The following IFNA1 variants were observed in gnomAD, a reference collection of about 807,000 sequenced individuals.
IFNA1 encodes the protein interferon alpha 1.
For synonymous variants in IFNA1, 52 were observed against 86.8 expected (o/e 0.60, Z 2.23); for missense variants, 130 against 219.8 (o/e 0.59, Z 2.58).
At position 21,441,261 on chromosome 9, in the gene IFNA1, C is replaced by T; in HGVS notation, c.*184C>T. ...TAAATTATTTTTGTTCATATAACGT[C>T]ATGTGCACCTTTACACTGTGGTTAG... On this transcript the variant is annotated 3_prime_UTR_variant, in exon 1 of 1. Coordinates refer to ENST00000276927, the MANE Select transcript of IFNA1 (RefSeq NM_024013.3). 1.1e-6 allele frequency: 1 copy of T among 902,156 alleles called. No individual in the cohort carries two copies. Among genetic ancestry groups the T allele is most frequent in the Non-Finnish European group, 1.6e-6 (1 of 621,612 alleles). The allele number at this position is 902,156 out of a possible 1,614,324, so 55.9% of individuals were successfully genotyped here.
Position 21,441,170 on chromosome 9 carries a change from A to G in IFNA1, c.*93A>G. On this transcript the variant is annotated 3_prime_UTR_variant, in exon 1 of 1. Transcript: ENST00000276927. ...CATTTCAAAGACTCTCACCCCTGCT[A>G]TAACTATGACCATGCTGATAAACTG... is the stretch of plus-strand genomic sequence containing the variant. 13 of 1,545,428 alleles carry G rather than the reference A, an allele frequency of 8.4e-6. No homozygotes were observed. The highest frequency in any genetic ancestry group is 1.1e-5 in the Non-Finnish European group (13 of 1,140,580).
Position 21,441,297 on chromosome 9 carries a change from C to A in IFNA1, c.*220C>A. The A allele has an allele frequency of 3.0e-6, 2 of 667,798 alleles. No individual in the cohort carries two copies. Among genetic ancestry groups the A allele is most frequent in the Non-Finnish European group, 2.3e-6 (1 of 432,756 alleles). 41.4% of individuals were successfully genotyped at this position (667,798 alleles called of 1,614,324 possible). A position where few individuals can be genotyped will look rare whatever the true frequency, so the allele number is the denominator to read the frequency against. On this transcript the variant is annotated 3_prime_UTR_variant, in exon 1 of 1. Coordinates refer to ENST00000276927, the MANE Select transcript of IFNA1 (RefSeq NM_024013.3). The stretch of plus-strand genomic sequence containing the variant: ...TTACACTGTGGTTAGTGTAATAAAA[C>A]ATGTTCCTTATATTTACTCAATCCA...
rs1818358321 is a variant in IFNA1, at chr9:21,440,497, C to T, written c.-11C>T. 1 of 1,614,090 alleles carries T rather than the reference C, an allele frequency of 6.2e-7. No individual in the cohort carries two copies. On this transcript the variant is annotated 5_prime_UTR_variant, in exon 1 of 1. Transcript: ENST00000276927. ...ATCTCAGCAAGCCCAGAAGTATCTG[C>T]AATATCTACGATGGCCTCGCCCTTT...
rs1197383938 is a variant in IFNA1, at chr9:21,441,034, C to G, written c.527C>G (p.Ser176Cys). The change falls in exon 1 of 1, where the codon TCT (serine) becomes TGT (cysteine). Residue 176 changes from serine (S) to cysteine (C), a missense_variant. Physicochemically the swap from Ser to Cys is moderately radical, Grantham distance 112. Coordinates refer to ENST00000276927, the MANE Select transcript of IFNA1 (RefSeq NM_024013.3). ...VVRAEIMRSLSLSTNLQERLR... is the reference protein window; with the variant it reads ...VVRAEIMRSLCLSTNLQERLR... ...AGAGCAGAAATCATGAGATCCCTCT[C>G]TTTATCAACAAACTTGCAAGAAAGA... 6.2e-7 allele frequency: 1 copy of G among 1,611,238 alleles called. No homozygotes were observed. The highest frequency in any genetic ancestry group is 1.7e-5 in the Admixed American group (1 of 59,100).
In IFNA1 at chr9:21,441,288, G is replaced by C; in HGVS notation, c.*211G>C. On this transcript the variant is annotated 3_prime_UTR_variant, in exon 1 of 1. Coordinates refer to ENST00000276927, the MANE Select transcript of IFNA1 (RefSeq NM_024013.3). ...TGTGCACCTTTACACTGTGGTTAGT[G>C]TAATAAAACATGTTCCTTATATTTA... 5 of 718,518 alleles carry C rather than the reference G, an allele frequency of 7.0e-6. No individual in the cohort carries two copies. Among genetic ancestry groups the C allele is most frequent in the Non-Finnish European group, 8.4e-6 (4 of 473,814 alleles). 44.5% of individuals were successfully genotyped at this position (718,518 alleles called of 1,614,324 possible).
At position 21,440,546 on chromosome 9, in the gene IFNA1, G is replaced by A. The variant is rs773892812; in HGVS notation, c.39G>A (p.Val13=). Residue 13 remains valine (V), a synonymous_variant, in exon 1 of 1, where the codon GTG becomes GTA. Coordinates refer to ENST00000276927, the MANE Select transcript of IFNA1 (RefSeq NM_024013.3). ...SPFALLMVLV[V]LSCKSSCSLG... ...TTGCTTTACTGATGGTCCTGGTGGT[G>A]CTCAGCTGCAAGTCAAGCTGCTCTC... 7.4e-6 allele frequency: 12 copies of A among 1,613,948 alleles called. No homozygotes were observed. The highest frequency in any genetic ancestry group is 5.0e-5 in the Admixed American group (3 of 59,988).
In IFNA1 at chr9:21,440,629, T is replaced by A. The variant is rs144037511; in HGVS notation, c.122T>A (p.Leu41Gln). ...SLDNRRTLML[L>Q]AQMSRISPSS... ...GATAACAGGAGGACCTTGATGCTCC[T>A]GGCACAAATGAGCAGAATCTCTCCT... The change falls in exon 1 of 1, where the codon CTG becomes CAG. Residue 41 changes from leucine (L) to glutamine (Q), a missense_variant. Physicochemically the swap from Leu to Gln is moderately radical, Grantham distance 113. Coordinates refer to ENST00000276927, the MANE Select transcript of IFNA1 (RefSeq NM_024013.3). 6 of 1,611,760 alleles carry A rather than the reference T, an allele frequency of 3.7e-6. No individual in the cohort carries two copies. In the African/African-American group the frequency reaches 8.1e-5, roughly 22 times the overall value.
chr9:21,440,950 G>A lies in IFNA1; in HGVS notation c.443G>A (p.Arg148Gln), dbSNP rs370370604. 290 of 1,606,544 alleles carry A rather than the reference G, an allele frequency of 1.8e-4. 1 individual carries two copies. The East Asian group carries it at 2.1e-3, about 12-fold the overall frequency. The change falls in exon 1 of 1, where the codon CGA (arginine) becomes CAA (glutamine). Residue 148 changes from arginine to glutamine, a missense_variant. Coordinates refer to ENST00000276927, the MANE Select transcript of IFNA1 (RefSeq NM_024013.3). ...ATCTTGGCTGTGAAGAAATACTTCCGAAGAATCACTCTCTATCTGACAGAG... is the reference window on the plus strand; with the variant it reads ...ATCTTGGCTGTGAAGAAATACTTCCAAAGAATCACTCTCTATCTGACAGAG... Reference protein sequence around the residue: ...DSILAVKKYFRRITLYLTEKK... With the variant: ...DSILAVKKYFQRITLYLTEKK...
Position 21,441,166 on chromosome 9 carries a change from T to G in IFNA1, c.*89T>G. The G allele has an allele frequency of 3.2e-6, 5 of 1,557,260 alleles. No individual in the cohort carries two copies. The highest frequency in any genetic ancestry group is 4.4e-6 in the Non-Finnish European group (5 of 1,148,856). On this transcript the variant is annotated 3_prime_UTR_variant, in exon 1 of 1. Coordinates refer to ENST00000276927, the MANE Select transcript of IFNA1 (RefSeq NM_024013.3). ...CTGTCATTTCAAAGACTCTCACCCC[T>G]GCTATAACTATGACCATGCTGATAA...
chr9:21,440,864 G>C lies in IFNA1; in HGVS notation c.357G>C (p.Leu119Phe). The change falls in exon 1 of 1, where the codon TTG (leucine) becomes TTC (phenylalanine). Residue 119 changes from leucine to phenylalanine, a missense_variant. Physicochemically the swap from Leu to Phe is conservative, Grantham distance 22 (BLOSUM62 0). Transcript: ENST00000276927. Reference protein sequence around the residue: ...CTELYQQLNDLEACVMQEERV... With the variant: ...CTELYQQLNDFEACVMQEERV... The stretch of plus-strand genomic sequence containing the variant: ...AACTCTACCAGCAGCTGAATGACTT[G>C]GAAGCCTGTGTGATGCAGGAGGAGA... 3.9e-6 allele frequency: 6 copies of C among 1,529,868 alleles called. No individual in the cohort carries two copies. The South Asian group carries it at 7.5e-5, about 19-fold the overall frequency. The allele number at this position is 1,529,868 out of a possible 1,614,324, so 94.8% of individuals were successfully genotyped here. A position where few individuals can be genotyped will look rare whatever the true frequency, so the allele number is the denominator to read the frequency against.
At position 21,441,097 on chromosome 9, in the gene IFNA1, A is replaced by G; in HGVS notation, c.*20A>G. ...GAATAACATCTGGTCCAACATGAAA[A>G]CAATTCTTATTGACTCATACACCAG... On this transcript the variant is annotated 3_prime_UTR_variant, in exon 1 of 1. Transcript: ENST00000276927. 1.9e-6 allele frequency: 3 copies of G among 1,603,466 alleles called. No homozygotes were observed. The highest frequency in any genetic ancestry group is 2.6e-6 in the Non-Finnish European group (3 of 1,174,404).
rs1269571759 is a variant in IFNA1 at position 21,441,183 on chromosome 9, T to A, written c.*106T>A. On this transcript the variant is annotated 3_prime_UTR_variant, in exon 1 of 1. Transcript: ENST00000276927. ...CTCACCCCTGCTATAACTATGACCA[T>A]GCTGATAAACTGATTTATCTATTTA... 2 of 1,488,894 alleles carry A rather than the reference T, an allele frequency of 1.3e-6. No individual in the cohort carries two copies. Among genetic ancestry groups the A allele is most frequent in the African/African-American group, 2.8e-5 (2 of 70,594 alleles). 92.2% of individuals were successfully genotyped at this position (1,488,894 alleles called of 1,614,324 possible).
Position 21,441,040 on chromosome 9 carries a change from C to T in IFNA1, c.533C>T (p.Ser178Leu), listed in dbSNP as rs751128915. ...GAAATCATGAGATCCCTCTCTTTAT[C>T]AACAAACTTGCAAGAAAGATTAAGG... ...RAEIMRSLSL[S>L]TNLQERLRRK... The change falls in exon 1 of 1, where the codon TCA becomes TTA. Residue 178 changes from serine (S) to leucine (L), a missense_variant. Transcript: ENST00000276927. The T allele has an allele frequency of 4.3e-6, 7 of 1,611,706 alleles. No homozygotes were observed. The highest frequency in any genetic ancestry group is 5.9e-6 in the Non-Finnish European group (7 of 1,179,624).
chr9:21,440,575 G>A lies in IFNA1; in HGVS notation c.68G>A (p.Gly23Asp), dbSNP rs148836775. Residue 23 changes from glycine (G) to aspartate (D), a missense_variant, in exon 1 of 1, where the codon GGC becomes GAC. Gly to Asp is a moderately conservative substitution (Grantham distance 94, BLOSUM62 -1). Transcript: ENST00000276927. Reference sequence around the variant, plus strand: ...AGCTGCAAGTCAAGCTGCTCTCTGGGCTGTGATCTCCCTGAGACCCACAGC... The same window carrying A: ...AGCTGCAAGTCAAGCTGCTCTCTGGACTGTGATCTCCCTGAGACCCACAGC... ...VLSCKSSCSL[G>D]CDLPETHSLD... 35 of 1,613,510 alleles carry A rather than the reference G, an allele frequency of 2.2e-5. No homozygotes were observed. The highest frequency in any genetic ancestry group is 3.3e-5 in the Admixed American group (2 of 59,944).
rs1563886478 is a variant in IFNA1 at position 21,440,989 on chromosome 9, C to G, written c.482C>G (p.Pro161Arg). 1 of 1,597,252 alleles carries G rather than the reference C, an allele frequency of 6.3e-7. No individual in the cohort carries two copies. The highest frequency in any genetic ancestry group is 2.2e-5 in the East Asian group (1 of 44,804). ...TLYLTEKKYS[P>R]CAWEVVRAEI... ...TATCTGACAGAGAAGAAATACAGCC[C>G]TTGTGCCTGGGAGGTTGTCAGAGCA... The change falls in exon 1 of 1, where the codon CCT becomes CGT. Residue 161 changes from proline (P) to arginine (R), a missense_variant. Coordinates refer to ENST00000276927, the MANE Select transcript of IFNA1 (RefSeq NM_024013.3).
Position 21,440,506 on chromosome 9 carries a change from C to G in IFNA1, c.-2C>G, listed in dbSNP as rs1065752. On this transcript the variant is annotated 5_prime_UTR_variant, in exon 1 of 1. Coordinates refer to ENST00000276927, the MANE Select transcript of IFNA1 (RefSeq NM_024013.3). Reference sequence around the variant, plus strand: ...AGCCCAGAAGTATCTGCAATATCTACGATGGCCTCGCCCTTTGCTTTACTG... The same window carrying G: ...AGCCCAGAAGTATCTGCAATATCTAGGATGGCCTCGCCCTTTGCTTTACTG... 6.2e-7 allele frequency: 1 copy of G among 1,614,048 alleles called. No homozygotes were observed. Among genetic ancestry groups the G allele is most frequent in the Non-Finnish European group, 8.5e-7 (1 of 1,179,954 alleles).
rs373198598 is a variant in IFNA1 at position 21,440,945 on chromosome 9, C to T, written c.438C>T (p.Tyr146=). ...NADSILAVKK[Y]FRRITLYLTE... ...ACTCCATCTTGGCTGTGAAGAAATACTTCCGAAGAATCACTCTCTATCTGA... is the reference window on the plus strand; with the variant it reads ...ACTCCATCTTGGCTGTGAAGAAATATTTCCGAAGAATCACTCTCTATCTGA... The change falls in exon 1 of 1, where the codon TAC becomes TAT. Residue 146 remains tyrosine (Y), a synonymous_variant. Coordinates refer to ENST00000276927, the MANE Select transcript of IFNA1 (RefSeq NM_024013.3). 18 of 1,606,188 alleles carry T rather than the reference C, an allele frequency of 1.1e-5. No homozygotes were observed. In the African/African-American group the frequency reaches 1.9e-4, roughly 17 times the overall value.
At position 21,440,792 on chromosome 9, in the gene IFNA1, T is replaced by C; in HGVS notation, c.285T>C (p.Asp95=). ...QQIFNLFTTK[D]SSAAWDEDLL... ...TCTTCAACCTCTTTACCACAAAAGA[T>C]TCATCTGCTGCTTGGGATGAGGACC... Residue 95 remains aspartate, a synonymous_variant, in exon 1 of 1, where the codon GAT becomes GAC. Transcript: ENST00000276927. 1.4e-6 allele frequency: 2 copies of C among 1,417,378 alleles called. No individual in the cohort carries two copies. Among genetic ancestry groups the C allele is most frequent in the Non-Finnish European group, 1.9e-6 (2 of 1,044,540 alleles). The allele number at this position is 1,417,378 out of a possible 1,614,324, so 87.8% of individuals were successfully genotyped here. A position where few individuals can be genotyped will look rare whatever the true frequency, so the allele number is the denominator to read the frequency against.
In IFNA1 at chr9:21,441,198, T is replaced by C; in HGVS notation, c.*121T>C. The C allele has an allele frequency of 7.2e-7, 1 of 1,382,666 alleles. No homozygotes were observed. The allele number at this position is 1,382,666 out of a possible 1,614,324, so 85.6% of individuals were successfully genotyped here. A position where few individuals can be genotyped will look rare whatever the true frequency, so the allele number is the denominator to read the frequency against. ...ACTATGACCATGCTGATAAACTGATTTATCTATTTAAATATTTATTTAACT... is the reference window on the plus strand; with the variant it reads ...ACTATGACCATGCTGATAAACTGATCTATCTATTTAAATATTTATTTAACT... On this transcript the variant is annotated 3_prime_UTR_variant, in exon 1 of 1. Coordinates refer to ENST00000276927, the MANE Select transcript of IFNA1 (RefSeq NM_024013.3).
Sources: gnomAD v4.1 joint callset for allele counts on GRCh38, gnomAD v4.1.1 for gene constraint, MANE v1.5 for transcripts, NCBI Gene and HGNC (gene_info 2026-07-23, HGNC 2026-07-21) for gene names.